Variants in LAMA1 observed in about 807,000 individuals in gnomAD.
LAMA1 encodes laminin subunit alpha 1, also known as laminin subunit alpha-1.
LAMA1 carries 219 observed loss-of-function variants against 348.7 expected under a neutral mutation model. The observed-to-expected ratio is 0.63, with a 90% CI of 0.56 to 0.70. The LOEUF (loss-of-function observed/expected upper bound fraction) is 0.70. Ranked by LOEUF, LAMA1 falls within the 30% of genes least tolerant of loss-of-function variation. LAMA1 has a pLI of 0.00. For synonymous variants in LAMA1, 1,487 were observed against 1,491.0 expected, an observed-to-expected ratio of 1.00 and a Z score of 0.06; for missense variants, 3,744 against 3,888.0, an observed-to-expected ratio of 0.96 and a Z score of 0.99.
In LAMA1 at chr18:7,103,303, G is replaced by T. The variant is rs374662393; in HGVS notation, c.61+14357C>A. On this transcript the variant is annotated intron_variant, in intron 1 of 62. Coordinates refer to ENST00000389658, the MANE Select transcript of LAMA1 (RefSeq NM_005559.4). The stretch of plus-strand genomic sequence containing the variant: ...GCCTGTAGTCCCAGCTACTCGGGAG[G>T]CTGAGGCAGGAGAATGGTGTGAACC... Among the ~76,000 whole-genome samples the T allele has an allele frequency of 2.2e-4, 33 of 152,210 alleles. No individual in the cohort carries two copies. In the East Asian group the frequency reaches 3.7e-3, roughly 17 times the overall value.
chr18:7,013,694 G>A (rs1362943559), intron 23 of LAMA1, 121 bp downstream of exon 23: 1 of 850,268 alleles, frequency 1.2e-6, no homozygotes, highest in Non-Finnish European at 2.0e-6. Flanking sequence ...AGATGCGGAA[G>A]GGAGTGTGAA....
chr18:7,064,700 T>C lies in LAMA1; in HGVS notation c.346-13764A>G, dbSNP rs1011279889. Among the ~76,000 whole-genome samples the C allele has an allele frequency of 2.6e-5, 4 of 152,320 alleles. No individual in the cohort carries two copies. In the East Asian group the frequency reaches 5.8e-4, roughly 22 times the overall value. ...ATAAAGTTGTAAATGATTCTAAATATTGTTCATCCCACTAGAGACCTACTA... is the reference window on the plus strand; with the variant it reads ...ATAAAGTTGTAAATGATTCTAAATACTGTTCATCCCACTAGAGACCTACTA... On this transcript the variant is annotated intron_variant, in intron 3 of 62. Coordinates refer to ENST00000389658, the MANE Select transcript of LAMA1 (RefSeq NM_005559.4).
intron 3 of LAMA1, among the ~76,000 whole-genome samples, chr18:7,073,822 T>TTGTGTGTGTGTGTGTG (rs112415914): frequency 1.4e-5 from 2 of 139,808 alleles, no homozygotes; most frequent in African/African-American, 5.1e-5. Flanking sequence ...ACCATACTGG[T>TTGTGTGTGTGTGTGTG]TGTGTGTGTG....
chr18:7,074,542 T>TCTAC (rs566076181), intron 3 of LAMA1, among the ~76,000 whole-genome samples: 1 of 152,200 alleles, frequency 6.6e-6, no homozygotes, highest in Non-Finnish European at 1.5e-5. Context: ...TCAAAAAAGA[T>TCTAC]CACTGTTCAG....
At chr18:6,945,537 A>T (rs2057517902) in intron 61 of LAMA1, among the ~76,000 whole-genome samples, 1 of 152,186 alleles carries the variant, frequency 6.6e-6, no homozygotes, top group Non-Finnish European at 1.5e-5. Context: ...AAATTCAGGC[A>T]TCTTACTCCC....
At chr18:7,013,317 G>A (rs2057869859) in intron 23 of LAMA1, among the ~76,000 whole-genome samples, 1 of 152,116 alleles carries the variant, frequency 6.6e-6, no homozygotes, top group Admixed American at 6.5e-5. Flanking sequence ...ATGGGAAAAG[G>A]ACCAGAGGAG....
At chr18:7,007,815 G>A (rs1256490706) in intron 28 of LAMA1, among the ~76,000 whole-genome samples, 1 of 152,050 alleles carries the variant, frequency 6.6e-6, no homozygotes, top group African/African-American at 2.4e-5. Flanking sequence ...TAAAAAGGAG[G>A]GAAATTCTGA....
rs2058186315 is a variant in LAMA1 at position 7,079,995 on chromosome 18, T to C, written c.325A>G (p.Ile109Val). 1 of 1,613,792 alleles carries C rather than the reference T, an allele frequency of 6.2e-7. No individual in the cohort carries two copies. Among genetic ancestry groups the C allele is most frequent in the Non-Finnish European group, 8.5e-7 (1 of 1,179,638 alleles). ...CCTACCTGTCTTAAGTCCAGAGTGA[T>C]TGTGACCCAGTGATATTCTCTCCCA... ...QNGREYHWVTITLDLRQVFQV... is the reference protein window; with the variant it reads ...QNGREYHWVTVTLDLRQVFQV... Residue 109 changes from isoleucine to valine, a missense_variant, in exon 3 of 63, where the codon ATC becomes GTC. By Grantham distance (29) the Ile-to-Val change is conservative (BLOSUM62 3). This residue lies in a region of LAMA1 where 1,529 missense variants were observed against 1,689.4 expected (regional missense o/e 0.91). Transcript: ENST00000389658.
intron 60 of LAMA1, among the ~76,000 whole-genome samples, chr18:6,948,170 C>G (rs772071489): frequency 6.6e-6 from 1 of 152,208 alleles, no homozygotes; most frequent in Non-Finnish European, 1.5e-5. Flanking sequence ...CATGTCTGGC[C>G]TCTGTCAGGA....
chr18:7,082,962 A>G (rs1293423387), intron 1 of LAMA1, among the ~76,000 whole-genome samples: 1 of 142,548 alleles, frequency 7.0e-6, no homozygotes, highest in Non-Finnish European at 1.5e-5. Context: ...GAGTAACTGC[A>G]GGGTCTTGTG....
chr18:7,000,633 T>G (rs946246669), intron 30 of LAMA1, among the ~76,000 whole-genome samples: 3 of 152,182 alleles, frequency 2.0e-5, no homozygotes, highest in Non-Finnish European at 4.4e-5. Flanking sequence ...TACTCCTTTT[T>G]CTCAACATCC....
Position 7,037,717 on chromosome 18 carries a change from A to C in LAMA1, c.1598T>G (p.Leu533Trp). ...NSMSGWLVTD[L>W]ISPRKIPSQQ... is the part of the protein sequence containing the mutation. ...AGACGGGATCTTCCTGGGACTGATC[A>C]AGTCGGTGACCAGCCACCCGGACAT... The change falls in exon 12 of 63, where the codon TTG becomes TGG. Residue 533 changes from leucine (L) to tryptophan (W), a missense_variant. Leu to Trp is a moderately conservative substitution (Grantham distance 61). Transcript: ENST00000389658. The C allele has an allele frequency of 6.8e-6, 11 of 1,614,244 alleles. No individual in the cohort carries two copies. Among genetic ancestry groups the C allele is most frequent in the Non-Finnish European group, 9.3e-6 (11 of 1,180,048 alleles).
intron 41 of LAMA1, among the ~76,000 whole-genome samples, chr18:6,981,203 C>T (rs1384397869): frequency 6.6e-6 from 1 of 152,090 alleles, no homozygotes; most frequent in Non-Finnish European, 1.5e-5. Context: ...ACTTAAATTT[C>T]ATGTCCAATT....
At position 7,117,709 on chromosome 18, in the gene LAMA1, GC is replaced by G. The variant is rs767647793; in HGVS notation, c.11del (p.Gly4AlafsTer83). On this transcript the variant is annotated frameshift_variant, in exon 1 of 63. Coordinates refer to ENST00000389658, the MANE Select transcript of LAMA1 (RefSeq NM_005559.4). LOFTEE classifies it high-confidence loss of function. MRG[G>X]VLLVLLLCVA... ...CACACAGCAGCAAGACCAGGAGCACGCCCCCGCGCATCTCGCCTCCGCCGCC... is the reference window on the plus strand; with the variant it reads ...CACACAGCAGCAAGACCAGGAGCACGCCCCGCGCATCTCGCCTCCGCCGCC... 2 of 1,597,944 alleles carry G rather than the reference GC, an allele frequency of 1.3e-6. No individual in the cohort carries two copies. The highest frequency in any genetic ancestry group is 1.7e-6 in the Non-Finnish European group (2 of 1,178,252).
At chr18:7,017,073 T>C (rs539233892) in intron 20 of LAMA1, among the ~76,000 whole-genome samples, 2 of 152,262 alleles carry the variant, frequency 1.3e-5, no homozygotes, top group South Asian at 2.1e-4. Flanking sequence ...TCCACCATGA[T>C]TGTAAGTTTC....
chr18:7,064,892 G>C (rs1409370858), intron 3 of LAMA1, among the ~76,000 whole-genome samples: 1 of 152,132 alleles, frequency 6.6e-6, no homozygotes, highest in Non-Finnish European at 1.5e-5. Context: ...AAAGGTCTTA[G>C]AAACTGTTGA....
In LAMA1 at chr18:7,117,647, G is replaced by A. The variant is rs753885602; in HGVS notation, c.61+13C>T. On this transcript the variant is annotated intron_variant, in intron 1 of 62. Coordinates refer to ENST00000389658, the MANE Select transcript of LAMA1 (RefSeq NM_005559.4). ...GCGGGGGACAGGGACCCTAGGACCC[G>A]GGCCGGGCTCACCTCTCTGCCGGCA... 3.1e-6 allele frequency: 5 copies of A among 1,596,390 alleles called. No homozygotes were observed. The highest frequency in any genetic ancestry group is 3.4e-6 in the Non-Finnish European group (4 of 1,178,114).
rs559291130 is a variant in LAMA1, at chr18:7,066,435, T to C, written c.345+13540A>G. 1.5e-4 allele frequency among the ~76,000 whole-genome samples: 23 copies of C among 152,280 alleles called. No individual in the cohort carries two copies. In the South Asian group the frequency reaches 4.6e-3, roughly 30 times the overall value. ...ATAATGAGACTTAGAGTCAAATCGG[T>C]TCTTTCTCTTTGGTTAGAATATGAC... On this transcript the variant is annotated intron_variant, in intron 3 of 62. Coordinates refer to ENST00000389658, the MANE Select transcript of LAMA1 (RefSeq NM_005559.4).
intron 8 of LAMA1, 44 bp from the exon 9 acceptor site, chr18:7,042,294 A>G: frequency 1.8e-6 from 2 of 1,140,906 alleles, no homozygotes; most frequent in Non-Finnish European, 2.6e-6. Context: ...TAGAAATAAC[A>G]GCAATGTTGG....
Sources: gnomAD v4.1 joint callset for allele counts (sites outside exome capture counted in the v4.1 genomes callset) on GRCh38, gnomAD v4.1.1 for gene constraint, gnomAD v4.1.1 regional missense constraint, MANE v1.5 for transcripts, NCBI Gene and HGNC (gene_info 2026-07-23, HGNC 2026-07-21) for gene names.